Variants in FGFR4 observed in about 807,000 individuals in gnomAD.
FGFR4 encodes fibroblast growth factor receptor 4.
FGFR4 carries 63 observed loss-of-function variants against 89.9 expected under a neutral mutation model. The observed-to-expected ratio is 0.70, with a 90% CI of 0.57 to 0.86. The LOEUF is 0.86. Among genes scored for constraint, FGFR4 ranks in the 40% least tolerant of loss-of-function variants. The pLI, the probability that FGFR4 is intolerant of heterozygous loss-of-function variation, is 0.00. For synonymous variants in FGFR4, 486 were observed against 479.4 expected (o/e 1.01, Z -0.18); for missense variants, 928 against 1,106.7 (o/e 0.84, Z 2.29).
chr5:177,095,559 G>T lies in FGFR4; in HGVS notation c.1657G>T (p.Ala553Ser), dbSNP rs201831200. Residue 553 changes from alanine (A) to serine (S), a missense_variant, in exon 13 of 18, where the codon GCC becomes TCC. Physicochemically the swap from Ala to Ser is moderately conservative, Grantham distance 99. This residue lies in a region of FGFR4 where 741 missense variants were observed against 836.9 expected (regional missense o/e 0.89). Transcript: ENST00000292408. The surrounding 1 kb of genome is among the most constrained non-coding windows in gnomAD (Gnocchi z 5.7). ...EGPLYVIVEC[A>S]AKGNLREFLR... ...GCCCCTGTACGTGATCGTGGAGTGC[G>T]CCGCCAAGGGAAACCTGCGGGAGTT... 1 of 1,609,678 alleles carries T rather than the reference G, an allele frequency of 6.2e-7. No individual in the cohort carries two copies. Among genetic ancestry groups the T allele is most frequent in the Non-Finnish European group, 8.5e-7 (1 of 1,178,242 alleles).
At chr5:177,089,160 A>T (rs1178705075) in intron 1 of FGFR4, among the ~76,000 whole-genome samples, 1 of 152,216 alleles carries the variant, frequency 6.6e-6, no homozygotes, top group African/African-American at 2.4e-5. Context: ...GTCATTTTTC[A>T]CTTTCTTTTT....
Position 177,091,757 on chromosome 5 carries a change from G to T in FGFR4, c.676G>T (p.Val226Leu), listed in dbSNP as rs1314057724. Residue 226 changes from valine to leucine, a missense_variant, in exon 6 of 18, where the codon GTA becomes TTA. Physicochemically the swap from Val to Leu is conservative, Grantham distance 32. Around this residue, in one of 5 missense-constraint regions of FGFR4, gnomAD observed 741 missense variants for 836.9 expected, o/e 0.89. Transcript: ENST00000292408. ...PSDRGTYTCL[V>L]ENAVGSIRYN... Reference sequence around the variant, plus strand: ...GGACCGCGGCACATACACCTGCCTGGTAGAGAACGCTGTGGGCAGCATCCG... The same window carrying T: ...GGACCGCGGCACATACACCTGCCTGTTAGAGAACGCTGTGGGCAGCATCCG... 1.3e-5 allele frequency: 21 copies of T among 1,614,126 alleles called. No homozygotes were observed. The highest frequency in any genetic ancestry group is 1.8e-5 in the Non-Finnish European group (21 of 1,180,050).
chr5:177,090,375 G>A lies in FGFR4; in HGVS notation c.92-15G>A. 1 of 1,600,152 alleles carries A rather than the reference G, an allele frequency of 6.2e-7. No individual in the cohort carries two copies. Among genetic ancestry groups the A allele is most frequent in the South Asian group, 1.1e-5 (1 of 91,060 alleles). ...GGGGCTGCGGGGTCTGCTGACCTCT[G>A]CCCTCTGCCCACAGAGCCCTGCCTG... On this transcript the variant is annotated splice_polypyrimidine_tract_variant and intron_variant, in intron 2 of 17. Coordinates refer to ENST00000292408, the MANE Select transcript of FGFR4 (RefSeq NM_213647.3).
intron 11 of FGFR4, chr5:177,094,981 G>A (rs533699138): frequency 7.2e-6 from 2 of 278,176 alleles, no homozygotes; most frequent in Admixed American, 4.2e-5. Context: ...GGGGACTACC[G>A]CTGACCCCTC....
In FGFR4 at chr5:177,097,626, C is replaced by G; in HGVS notation, c.2359C>G (p.Leu787Val). ...CGATTCTGTCTTCAGCCACGACCCC[C>G]TGCCATTGGGATCCAGCTCCTTCCC... ...SSDSVFSHDP[L>V]PLGSSSFPFG... is the part of the protein sequence containing the mutation. Residue 787 changes from leucine (L) to valine (V), a missense_variant, in exon 18 of 18, where the codon CTG becomes GTG. By Grantham distance (32) the Leu-to-Val change is conservative (BLOSUM62 1). Transcript: ENST00000292408. 6.2e-7 allele frequency: 1 copy of G among 1,614,234 alleles called. No individual in the cohort carries two copies. The highest frequency in any genetic ancestry group is 1.7e-5 in the Admixed American group (1 of 60,032).
At position 177,095,149 on chromosome 5, in the gene FGFR4, C is replaced by T. The variant is rs902308600; in HGVS notation, c.1520-181C>T. 4.9e-6 allele frequency: 3 copies of T among 613,124 alleles called. No homozygotes were observed. The East Asian group carries it at 8.4e-5, about 17-fold the overall frequency. 38.0% of individuals were successfully genotyped at this position (613,124 alleles called of 1,614,324 possible). A position where few individuals can be genotyped will look rare whatever the true frequency, so the allele number is the denominator to read the frequency against. On this transcript the variant is annotated intron_variant, in intron 11 of 17. Coordinates refer to ENST00000292408, the MANE Select transcript of FGFR4 (RefSeq NM_213647.3). The surrounding 1 kb of genome is among the most constrained non-coding windows in gnomAD (Gnocchi z 5.7). ...GGGTGTGACCCACTGCTCTGTTTCC[C>T]ACAAGACGAACCTGAGGTTCAGAGA...
At chr5:177,094,528 C>A (rs1784482228) in intron 11 of FGFR4, among the ~76,000 whole-genome samples, 1 of 151,858 alleles carries the variant, frequency 6.6e-6, no homozygotes, top group Admixed American at 6.6e-5. Flanking sequence ...TCCCTTGGAC[C>A]CTCCCTAGGT....
chr5:177,094,110 G>A (rs1208335351), intron 11 of FGFR4, among the ~76,000 whole-genome samples: 1 of 151,870 alleles, frequency 6.6e-6, no homozygotes, highest in African/African-American at 2.4e-5. Flanking sequence ...GGTGAACGTG[G>A]CAGCCTGGAG....
In FGFR4 at chr5:177,097,663, G is replaced by C. The variant is rs764171419; in HGVS notation, c.2396G>C (p.Gly799Ala). 6.2e-7 allele frequency: 1 copy of C among 1,613,878 alleles called. No homozygotes were observed. The highest frequency in any genetic ancestry group is 8.5e-7 in the Non-Finnish European group (1 of 1,179,818). Reference sequence around the variant, plus strand: ...TCCAGCTCCTTCCCCTTCGGGTCTGGGGTGCAGACATGAGCAAGGCTCAAG... The same window carrying C: ...TCCAGCTCCTTCCCCTTCGGGTCTGCGGTGCAGACATGAGCAAGGCTCAAG... ...LGSSSFPFGS[G>A]VQT The change falls in exon 18 of 18, where the codon GGG (glycine) becomes GCG (alanine). Residue 799 changes from glycine to alanine, a missense_variant. Transcript: ENST00000292408.
At position 177,092,897 on chromosome 5, in the gene FGFR4, G is replaced by A. The variant is rs200811655; in HGVS notation, c.1057+113G>A. ...TTGGCCTGTGGGGTCTGGCCTGGGG[G>A]GCAGTGTGTGGATTTGTGGGTTTGA... On this transcript the variant is annotated intron_variant, in intron 8 of 17. Coordinates refer to ENST00000292408, the MANE Select transcript of FGFR4 (RefSeq NM_213647.3). 31 of 1,528,052 alleles carry A rather than the reference G, an allele frequency of 2.0e-5. 1 individual carries two copies. In the South Asian group the frequency reaches 2.3e-4, roughly 11 times the overall value. 94.7% of individuals were successfully genotyped at this position (1,528,052 alleles called of 1,614,324 possible).
At position 177,095,040 on chromosome 5, in the gene FGFR4, T is replaced by A. The variant is rs1784500023; in HGVS notation, c.1520-290T>A. 32 of 407,704 alleles carry A rather than the reference T, an allele frequency of 7.8e-5. No homozygotes were observed. Among genetic ancestry groups the A allele is most frequent in the South Asian group, 7.8e-4 (32 of 40,920 alleles). The allele number at this position is 407,704 out of a possible 1,614,324, so 25.3% of individuals were successfully genotyped here. A position where few individuals can be genotyped will look rare whatever the true frequency, so the allele number is the denominator to read the frequency against. Reference sequence around the variant, plus strand: ...TCCTGCTCCGAGCTCTTCCCCTCTCTCCTGTGTCCTGGGCCTGCCCGCTGG... The same window carrying A: ...TCCTGCTCCGAGCTCTTCCCCTCTCACCTGTGTCCTGGGCCTGCCCGCTGG... On this transcript the variant is annotated intron_variant, in intron 11 of 17. Coordinates refer to ENST00000292408, the MANE Select transcript of FGFR4 (RefSeq NM_213647.3). This position sits in a 1 kb window ranked among gnomAD's most constrained non-coding sequence, Gnocchi z 5.7.
In FGFR4 at chr5:177,089,537, C is replaced by G; in HGVS notation, c.-53-13C>G. The G allele has an allele frequency of 6.4e-7, 1 of 1,552,564 alleles. No homozygotes were observed. Among genetic ancestry groups the G allele is most frequent in the Non-Finnish European group, 8.7e-7 (1 of 1,148,772 alleles). The stretch of plus-strand genomic sequence containing the variant: ...GCACGTGTAGCAGGAGCTCTTTTCC[C>G]TCCCTATTTTAGGAAGGCAGTTGGT... On this transcript the variant is annotated splice_polypyrimidine_tract_variant and intron_variant, in intron 1 of 17. Coordinates refer to ENST00000292408, the MANE Select transcript of FGFR4 (RefSeq NM_213647.3).
chr5:177,097,219 A>C, intron 16 of FGFR4, 73 bp from the exon 17 acceptor site: 20 of 1,273,010 alleles, frequency 1.6e-5, no homozygotes, highest in Non-Finnish European at 2.1e-5. Context: ...CTCCCCACCC[A>C]GAGAACCCCC....
chr5:177,095,016 C>T lies in FGFR4; in HGVS notation c.1520-314C>T, dbSNP rs114263674. 393 of 338,748 alleles carry T rather than the reference C, an allele frequency of 1.2e-3. 2 individuals carry two copies. Among genetic ancestry groups the T allele is most frequent in the African/African-American group, 5.8e-3 (279 of 47,970 alleles). 21.0% of individuals were successfully genotyped at this position (338,748 alleles called of 1,614,324 possible). A position where few individuals can be genotyped will look rare whatever the true frequency, so the allele number is the denominator to read the frequency against. On this transcript the variant is annotated intron_variant, in intron 11 of 17. Transcript: ENST00000292408. This position sits in a 1 kb window ranked among gnomAD's most constrained non-coding sequence, Gnocchi z 5.7. ...CCAGCGGCAGCTTCCTTCCTTCCTT[C>T]CTGCTCCGAGCTCTTCCCCTCTCTC... is the stretch of plus-strand genomic sequence containing the variant.
chr5:177,097,975 T>G lies in FGFR4; in HGVS notation c.*299T>G. On this transcript the variant is annotated 3_prime_UTR_variant, in exon 18 of 18. Coordinates refer to ENST00000292408, the MANE Select transcript of FGFR4 (RefSeq NM_213647.3). ...CTGCCTCCCAATACCAGCAGGAGGT[T>G]CTGGGCCTCTGAACCCCCTTTCCCC... is the stretch of plus-strand genomic sequence containing the variant. The G allele has an allele frequency of 6.1e-6, 2 of 330,106 alleles. No homozygotes were observed. Among genetic ancestry groups the G allele is most frequent in the Non-Finnish European group, 1.1e-5 (2 of 180,726 alleles). The allele number at this position is 330,106 out of a possible 1,614,324, so 20.4% of individuals were successfully genotyped here.
chr5:177,096,905 T>TTCCTCCTCCTCTTCC (rs1402034116), intron 16 of FGFR4, among the ~76,000 whole-genome samples, 164 bp downstream of exon 16: 8 of 15,484 alleles, frequency 5.2e-4, no homozygotes, highest in Admixed American at 6.6e-4. Context: ...CCTCCTCCTC[T>TTCCTCCTCCTCTTCC]TCCTCCTCCT....
chr5:177,096,225 G>C (rs776339069), intron 14 of FGFR4, 46 bp downstream of exon 14: 2 of 1,613,078 alleles, frequency 1.2e-6, no homozygotes, highest in Non-Finnish European at 1.7e-6. Context: ...GGGGCACTGG[G>C]CCCGGGGTGG....
rs1259957089 is a variant in FGFR4, at chr5:177,093,696, G to C, written c.1440G>C (p.Gln480His). The C allele has an allele frequency of 1.2e-6, 2 of 1,614,132 alleles. No individual in the cohort carries two copies. Among genetic ancestry groups the C allele is most frequent in the Non-Finnish European group, 1.7e-6 (2 of 1,180,050 alleles). Residue 480 changes from glutamine to histidine, a missense_variant, in exon 11 of 18, where the codon CAG becomes CAC. This residue lies in a region of FGFR4 where 741 missense variants were observed against 836.9 expected (regional missense o/e 0.89). Transcript: ENST00000292408. This position sits in a 1 kb window ranked among gnomAD's most constrained non-coding sequence, Gnocchi z 5.8. ...GKPLGEGCFGQVVRAEAFGMD... is the reference protein window; with the variant it reads ...GKPLGEGCFGHVVRAEAFGMD... ...CCCTAGGCGAGGGCTGCTTTGGCCAGGTAGTACGTGCAGAGGCCTTTGGCA... is the reference window on the plus strand; with the variant it reads ...CCCTAGGCGAGGGCTGCTTTGGCCACGTAGTACGTGCAGAGGCCTTTGGCA...
chr5:177,095,293 G>A lies in FGFR4; in HGVS notation c.1520-37G>A, dbSNP rs760498848. 1 of 1,554,188 alleles carries A rather than the reference G, an allele frequency of 6.4e-7. No individual in the cohort carries two copies. ...CTCTGCATGCTCCCTCGTGCAGTTG[G>A]AGGGCAGCCTCTTCACCCCGTCTGC... On this transcript the variant is annotated intron_variant, in intron 11 of 17. Coordinates refer to ENST00000292408, the MANE Select transcript of FGFR4 (RefSeq NM_213647.3). This position sits in a 1 kb window ranked among gnomAD's most constrained non-coding sequence, Gnocchi z 5.7.
Sources: allele counts gnomAD v4.1 joint callset (sites outside exome capture counted in the v4.1 genomes callset), GRCh38; gene constraint gnomAD v4.1.1; regional missense constraint gnomAD v4.1.1; non-coding constraint Gnocchi (gnomAD v3.1); transcripts MANE v1.5; gene names NCBI Gene and HGNC (gene_info 2026-07-23, HGNC 2026-07-21).